NR3C1: variants seen among roughly 807,000 people sequenced by gnomAD.
NR3C1 encodes the protein nuclear receptor subfamily 3 group C member 1.
NR3C1 carries 14 observed loss-of-function variants against 74.0 expected under a neutral mutation model. The observed-to-expected ratio is 0.19, with a 90% CI of 0.12 to 0.30. The LOEUF is 0.30. Among genes scored for constraint, NR3C1 ranks in the 10% least tolerant of loss-of-function variants. NR3C1 has a pLI of 1.00. For missense variants in NR3C1, 695 were observed against 909.8 expected, an observed-to-expected ratio of 0.76 and a Z score of 3.04; for synonymous variants, 308 against 332.5, an observed-to-expected ratio of 0.93 and a Z score of 0.80.
intron 4 of NR3C1, among the ~76,000 whole-genome samples, chr5:143,302,728 G>A (rs182763280): frequency 2.6e-4 from 39 of 152,140 alleles, no homozygotes; most frequent in African/African-American, 8.4e-4. Context: ...GTGCTGTACT[G>A]ACTAGAGCAA....
At chr5:143,405,054 G>T, upstream of NR3C1, 1 of 910,420 alleles carries the variant, frequency 1.1e-6, no homozygotes, top group Non-Finnish European at 1.3e-6. Context: ...GGGCCGTGGG[G>T]CGAGGGGTGC....
chr5:143,307,111 T>TA (rs1819802477), intron 4 of NR3C1, among the ~76,000 whole-genome samples: 1 of 152,110 alleles, frequency 6.6e-6, no homozygotes, highest in African/African-American at 2.4e-5. Flanking sequence ...TTAGCCAGGA[T>TA]AGTCTCGATC....
intron 1 of NR3C1, among the ~76,000 whole-genome samples, chr5:143,411,603 C>CA (rs1283553804): frequency 6.6e-6 from 1 of 152,094 alleles, no homozygotes; most frequent in African/African-American, 2.4e-5. Context: ...GCTATGGACA[C>CA]AAATATTCTG....
At chr5:143,404,214 C>CCGA (rs1399350038), upstream of NR3C1, 2 of 985,308 alleles carry the variant, frequency 2.0e-6, no homozygotes, top group Admixed American at 1.2e-4. Context: ...GCCGCCGCCG[C>CCGA]CGGGCCGAGT....
intron 4 of NR3C1, among the ~76,000 whole-genome samples, chr5:143,307,371 G>A (rs79590198): frequency 0.049 from 7,389 of 152,116 alleles, 279 homozygotes; most frequent in East Asian, 0.13. Context: ...CTGTAAGAAG[G>A]AGGAAAAAAT....
chr5:143,385,712 A>C lies in NR3C1; in HGVS notation c.1184+13944T>G, dbSNP rs764784745. Among the ~76,000 whole-genome samples the C allele has an allele frequency of 3.9e-5, 6 of 152,284 alleles. 1 individual carries two copies. In the Middle Eastern group the frequency reaches 0.01, roughly 259 times the overall value. On this transcript the variant is annotated intron_variant, in intron 2 of 8. Transcript: ENST00000394464. ...AAGTGCCTCATCTCCACCTGAGACC[A>C]CCTCAGCCTGGACTTTATTGTCCAT...
intron 2 of NR3C1, among the ~76,000 whole-genome samples, chr5:143,316,920 A>G (rs1045775391): frequency 6.6e-6 from 1 of 152,156 alleles, no homozygotes; most frequent in Non-Finnish European, 1.5e-5. Context: ...AGGCCACTCA[A>G]CTGTAAGCTA....
chr5:143,373,944 T>C (rs1000453256), intron 2 of NR3C1, among the ~76,000 whole-genome samples: 8 of 152,194 alleles, frequency 5.3e-5, no homozygotes, highest in Non-Finnish European at 8.8e-5. Context: ...ATATGATGCC[T>C]ATGGTATGAC....
At chr5:143,433,984 C>A (rs549029134) in intron 1 of NR3C1, among the ~76,000 whole-genome samples, 1 of 152,318 alleles carries the variant, frequency 6.6e-6, no homozygotes, top group African/African-American at 2.4e-5. Context: ...TTTCCTCAAA[C>A]TTGCCACACA....
chr5:143,345,680 C>G (rs2151760681), intron 2 of NR3C1, among the ~76,000 whole-genome samples: 1 of 152,238 alleles, frequency 6.6e-6, no homozygotes, highest in African/African-American at 2.4e-5. Flanking sequence ...ATATTTATTC[C>G]TTGATTTCAT....
intron 2 of NR3C1, among the ~76,000 whole-genome samples, chr5:143,346,877 T>C (rs1443160643): frequency 6.6e-6 from 1 of 152,228 alleles, no homozygotes; most frequent in African/African-American, 2.4e-5. Flanking sequence ...TCTTTTATAA[T>C]TTAAGATTGC....
intron 2 of NR3C1, among the ~76,000 whole-genome samples, chr5:143,383,057 A>ATTCCACAGTTTC (rs1264431926): frequency 1.3e-5 from 2 of 152,226 alleles, no homozygotes; most frequent in African/African-American, 4.8e-5. Flanking sequence ...ACGGAAAAAT[A>ATTCCACAGTTTC]TTCCACAGTT....
At chr5:143,346,852 A>T (rs555136698) in intron 2 of NR3C1, among the ~76,000 whole-genome samples, 1 of 152,342 alleles carries the variant, frequency 6.6e-6, no homozygotes, top group South Asian at 2.1e-4. Context: ...AGAGAATCAC[A>T]AAATCAAATA....
At chr5:143,435,181 C>T in exon 1 of NR3C1, 3 of 985,466 alleles carry the variant, frequency 3.0e-6, no homozygotes, top group Non-Finnish European at 3.6e-6. Flanking sequence ...GCCTTCACCA[C>T]TTTCCCTTTT....
At chr5:143,399,586 A>G (rs1839857196) in intron 2 of NR3C1, 70 bp downstream of exon 2, 3 of 1,149,390 alleles carry the variant, frequency 2.6e-6, no homozygotes, top group East Asian at 4.7e-5. Flanking sequence ...ATATAAATCA[A>G]TGAAGATTTA....
intron 2 of NR3C1, chr5:143,375,572 T>A (rs976570862): frequency 6.6e-6 from 1 of 152,272 alleles, no homozygotes; most frequent in African/African-American, 2.4e-5. Context: ...ACATTCATGC[T>A]GCTCACATCT....
At chr5:143,297,092 A>G (rs564464834) in intron 6 of NR3C1, among the ~76,000 whole-genome samples, 50 of 150,938 alleles carry the variant, frequency 3.3e-4, no homozygotes, top group African/African-American at 6.5e-4. Flanking sequence ...AAAAAAAAAA[A>G]AAAAGAAAAG....
intron 2 of NR3C1, among the ~76,000 whole-genome samples, chr5:143,331,744 G>A (rs1267553976): frequency 1.3e-5 from 2 of 152,098 alleles, no homozygotes; most frequent in Non-Finnish European, 2.9e-5. Flanking sequence ...TGAGTACACA[G>A]GGACACAAAG....
chr5:143,295,710 T>G (rs1817025188), intron 6 of NR3C1, 120 bp from the exon 7 acceptor site: 2 of 782,226 alleles, frequency 2.6e-6, no homozygotes, highest in African/African-American at 3.4e-5. Context: ...ACTGCAATAA[T>G]ATTATTGCTA....
Sources: gnomAD v4.1 joint callset for allele counts (sites outside exome capture counted in the v4.1 genomes callset) on GRCh38, gnomAD v4.1.1 for gene constraint, MANE v1.5 for transcripts, NCBI Gene and HGNC (gene_info 2026-07-23, HGNC 2026-07-21) for gene names.